Variants in NRXN3 observed in about 807,000 individuals in gnomAD.
NRXN3 encodes neurexin 3.
A neutral mutation model predicts 137.6 loss-of-function variants in NRXN3; 32 were observed. That is an observed-to-expected ratio of 0.23 (90% CI 0.18 to 0.31). The LOEUF (loss-of-function observed/expected upper bound fraction) is 0.31, where lower values mean the gene tolerates loss of function less well. NRXN3 is among the 10% of genes least tolerant of loss of function. NRXN3 has a pLI of 1.00. For missense variants in NRXN3, 1,574 were observed against 2,062.5 expected, an observed-to-expected ratio of 0.76 and a Z score of 4.59; for synonymous variants, 798 against 784.5, an observed-to-expected ratio of 1.02 and a Z score of -0.29.
At chr14:78,718,132 C>A (rs959813048) in intron 8 of NRXN3, among the ~76,000 whole-genome samples, 1 of 152,160 alleles carries the variant, frequency 6.6e-6, no homozygotes, top group African/African-American at 2.4e-5. Flanking sequence ...CTCAGTTTGC[C>A]ATTCTCTCTC....
chr14:78,912,068 C>G (rs573638722), intron 10 of NRXN3, among the ~76,000 whole-genome samples: 11 of 151,752 alleles, frequency 7.2e-5, no homozygotes, highest in African/African-American at 2.7e-4. Flanking sequence ...TATCCCTCCC[C>G]CTGCCCCCCA....
intron 19 of NRXN3, among the ~76,000 whole-genome samples, chr14:79,764,781 A>C (rs560334800): frequency 6.6e-6 from 1 of 152,282 alleles, no homozygotes; most frequent in Non-Finnish European, 1.5e-5. Context: ...ATCTAGGCCA[A>C]AAAAATGGGA....
intron 16 of NRXN3, among the ~76,000 whole-genome samples, chr14:79,595,531 T>G (rs2153826920): frequency 6.6e-6 from 1 of 152,290 alleles, no homozygotes; most frequent in African/African-American, 2.4e-5. Flanking sequence ...CCATTTAAAT[T>G]TAAAAACTCA....
chr14:79,116,244 G>C (rs1264370108), intron 15 of NRXN3, among the ~76,000 whole-genome samples: 3 of 152,120 alleles, frequency 2.0e-5, no homozygotes, highest in Non-Finnish European at 4.4e-5. Context: ...GAATGGTGGG[G>C]GTTGTCCTCC....
At chr14:78,651,873 A>G (rs1251020990) in intron 6 of NRXN3, among the ~76,000 whole-genome samples, 2 of 152,184 alleles carry the variant, frequency 1.3e-5, no homozygotes, top group Non-Finnish European at 2.9e-5. Context: ...CTACAATTCA[A>G]GATGAAATTT....
At chr14:79,542,628 T>C (rs1321439656) in intron 16 of NRXN3, among the ~76,000 whole-genome samples, 1 of 152,212 alleles carries the variant, frequency 6.6e-6, no homozygotes, top group Non-Finnish European at 1.5e-5. Context: ...CCCACAGTCC[T>C]CTTTTTAAGC....
chr14:79,530,171 A>C (rs577438552), intron 16 of NRXN3, among the ~76,000 whole-genome samples: 1 of 152,216 alleles, frequency 6.6e-6, no homozygotes, highest in Admixed American at 6.5e-5. Context: ...CCAAACTCAC[A>C]GACATTTGCC....
chr14:79,036,436 G>A (rs1254358158), intron 15 of NRXN3, among the ~76,000 whole-genome samples: 1 of 152,042 alleles, frequency 6.6e-6, no homozygotes, highest in Non-Finnish European at 1.5e-5. Flanking sequence ...GGAATGGTAT[G>A]TTCTCCATTC....
At chr14:78,452,722 G>A (rs2094579918) in intron 4 of NRXN3, among the ~76,000 whole-genome samples, 1 of 152,144 alleles carries the variant, frequency 6.6e-6, no homozygotes. Flanking sequence ...CAATTTGGGT[G>A]CCCACCCCAG....
At chr14:79,378,834 A>G (rs1439824776) in intron 15 of NRXN3, among the ~76,000 whole-genome samples, 2 of 151,870 alleles carry the variant, frequency 1.3e-5, no homozygotes, top group African/African-American at 2.4e-5. Flanking sequence ...GCCCATTGAC[A>G]TCCTGAAATA....
intron 15 of NRXN3, among the ~76,000 whole-genome samples, chr14:79,212,792 C>T (rs763218036): frequency 1.3e-5 from 2 of 151,844 alleles, no homozygotes; most frequent in African/African-American, 2.4e-5. Context: ...AAAAAAAAAT[C>T]CTCACTCATA....
intron 4 of NRXN3, among the ~76,000 whole-genome samples, chr14:78,422,847 G>A (rs2093504137): frequency 6.6e-6 from 1 of 152,208 alleles, no homozygotes; most frequent in African/African-American, 2.4e-5. Context: ...TTGAGACCAA[G>A]CATTATGGTG....
intron 16 of NRXN3, among the ~76,000 whole-genome samples, chr14:79,655,444 T>C (rs929770565): frequency 6.6e-6 from 1 of 152,210 alleles, no homozygotes; most frequent in Non-Finnish European, 1.5e-5. Context: ...TATTTAAAAA[T>C]TCACACGTGC....
intron 8 of NRXN3, among the ~76,000 whole-genome samples, chr14:78,765,065 T>C (rs946114303): frequency 6.6e-6 from 1 of 151,818 alleles, no homozygotes; most frequent in African/African-American, 2.4e-5. Flanking sequence ...GCTAAATGTA[T>C]GCTATGGTCA....
At chr14:79,308,773 A>C (rs1464525465) in intron 15 of NRXN3, among the ~76,000 whole-genome samples, 1 of 151,328 alleles carries the variant, frequency 6.6e-6, no homozygotes, top group Non-Finnish European at 1.5e-5. Flanking sequence ...AATTGAGAGC[A>C]AATTATTAAG....
At chr14:78,611,720 C>G (rs936247173) in intron 4 of NRXN3, among the ~76,000 whole-genome samples, 8 of 152,252 alleles carry the variant, frequency 5.3e-5, no homozygotes, top group African/African-American at 1.9e-4. Flanking sequence ...TTCCTTTCTA[C>G]GACATGAAAA....
intron 20 of NRXN3, among the ~76,000 whole-genome samples, chr14:79,855,180 T>G (rs984385074): frequency 6.6e-6 from 1 of 152,338 alleles, no homozygotes; most frequent in East Asian, 1.9e-4. Flanking sequence ...ACCATCATCG[T>G]GTAACTACAG....
At chr14:78,667,380 A>G (rs557492283) in intron 6 of NRXN3, among the ~76,000 whole-genome samples, 1 of 152,200 alleles carries the variant, frequency 6.6e-6, no homozygotes, top group Non-Finnish European at 1.5e-5. Flanking sequence ...CGTAGTGAGT[A>G]CTCAAGAAAT....
At chr14:79,130,927 C>T (rs1389199216) in intron 15 of NRXN3, among the ~76,000 whole-genome samples, 5 of 152,024 alleles carry the variant, frequency 3.3e-5, no homozygotes, top group Admixed American at 6.6e-5. Flanking sequence ...ATTTCATTCA[C>T]TTCATCTTCC....
Sources: allele counts gnomAD v4.1 joint callset (sites outside exome capture counted in the v4.1 genomes callset), GRCh38; gene constraint gnomAD v4.1.1; transcripts MANE v1.5; gene names NCBI Gene and HGNC (gene_info 2026-07-23, HGNC 2026-07-21).